Variants in NRCAM observed in about 807,000 individuals in gnomAD.
NRCAM encodes NgCAM-related cell adhesion molecule.
In NRCAM, 83 loss-of-function variants were observed where a neutral mutation model predicts 156.5. The ratio of observed to expected loss-of-function variants is 0.53; its 90% CI spans 0.44 to 0.64. The LOEUF (loss-of-function observed/expected upper bound fraction) is 0.64, where lower values mean the gene tolerates loss of function less well. NRCAM is among the 30% of genes least tolerant of loss of function. The probability of loss-of-function intolerance (pLI) is 0.00; values close to 1 mark genes in which losing one functional copy is unlikely to be tolerated. For synonymous variants in NRCAM, 538 were observed against 563.9 expected, an observed-to-expected ratio of 0.95 and a Z score of 0.65; for missense variants, 1,417 against 1,597.3, an observed-to-expected ratio of 0.89 and a Z score of 1.92.
At position 108,195,768 on chromosome 7, in the gene NRCAM, T is replaced by C. The variant is rs1052241557; in HGVS notation, c.1456A>G (p.Ile486Val). 11 of 1,575,996 alleles carry C rather than the reference T, an allele frequency of 7.0e-6. No homozygotes were observed. Among genetic ancestry groups the C allele is most frequent in the Admixed American group, 1.7e-5 (1 of 59,826 alleles). ...CACAGAGCTGCTACTTACCACTCGA[T>C]GGTTGGGAGAGGAGACCCAAAGAAG... ...CAFFGSPLPT[I>V]EWFKGAKGSA... The change falls in exon 15 of 33, where the codon ATC becomes GTC. Residue 486 changes from isoleucine (I) to valine (V), a missense_variant. By Grantham distance (29) the Ile-to-Val change is conservative (BLOSUM62 3). Around this residue, in one of 2 missense-constraint regions of NRCAM, gnomAD observed 1,238 missense variants for 1,336.4 expected, o/e 0.93. Coordinates refer to ENST00000379028, the MANE Select transcript of NRCAM (RefSeq NM_001037132.4).
At chr7:108,258,126 T>C (rs1425256029) in intron 3 of NRCAM, among the ~76,000 whole-genome samples, 3 of 152,218 alleles carry the variant, frequency 2.0e-5, no homozygotes. Context: ...AGGAGGTGGC[T>C]GTCTGTGTGC....
chr7:108,289,195 A>T (rs1355516277), intron 3 of NRCAM, among the ~76,000 whole-genome samples: 1 of 152,140 alleles, frequency 6.6e-6, no homozygotes, highest in African/African-American at 2.4e-5. Context: ...AATAGAAAAC[A>T]TATAGATAAA....
chr7:108,417,090 T>C (rs1802482780), intron 1 of NRCAM, among the ~76,000 whole-genome samples: 1 of 152,242 alleles, frequency 6.6e-6, no homozygotes. Context: ...ATTGAATGTC[T>C]CATGATTCTC....
rs186761238 is a variant in NRCAM at position 108,263,139 on chromosome 7, C to T, written c.-106-22969G>A. On this transcript the variant is annotated intron_variant, in intron 3 of 32. Coordinates refer to ENST00000379028, the MANE Select transcript of NRCAM (RefSeq NM_001037132.4). ...ATCCCTACGGCCCCCACAGGAACCA[C>T]GTGGATGCCCTGTGGCAGAAAACCC... Among the ~76,000 whole-genome samples, 24 of 152,324 alleles carry T rather than the reference C, an allele frequency of 1.6e-4. No homozygotes were observed. The East Asian group carries it at 2.9e-3, about 18-fold the overall frequency.
At chr7:108,454,143 AC>A (rs1356470665) in intron 1 of NRCAM, among the ~76,000 whole-genome samples, 1 of 152,248 alleles carries the variant, frequency 6.6e-6, no homozygotes, top group Non-Finnish European at 1.5e-5. Flanking sequence ...TTAAAAGCTA[AC>A]AGGAATAAAA....
At chr7:108,398,694 C>T (rs2099783745) in intron 2 of NRCAM, among the ~76,000 whole-genome samples, 1 of 152,216 alleles carries the variant, frequency 6.6e-6, no homozygotes, top group Non-Finnish European at 1.5e-5. Flanking sequence ...AGGAAGCCTG[C>T]TTTTACACAC....
rs142449606 is a variant in NRCAM, at chr7:108,332,032, G to A, written c.-173-19301C>T. Among the ~76,000 whole-genome samples, 134 of 152,302 alleles carry A rather than the reference G, an allele frequency of 8.8e-4. 1 individual carries two copies. The highest frequency in any genetic ancestry group is 3.0e-3 in the African/African-American group (123 of 41,578). ...GTGTTTCTTTCCTCTCTCCTGAAAT[G>A]CTATGCTATGCCAAGAAGCTCACCA... On this transcript the variant is annotated intron_variant, in intron 2 of 32. Transcript: ENST00000379028.
chr7:108,184,385 C>T (rs2153371071), intron 21 of NRCAM, 32 bp downstream of exon 21: 4 of 1,613,488 alleles, frequency 2.5e-6, no homozygotes, highest in South Asian at 1.1e-5. Flanking sequence ...TATTATATTT[C>T]GTACCCTAGA....
At chr7:108,396,345 T>C (rs967021595) in intron 2 of NRCAM, among the ~76,000 whole-genome samples, 2 of 152,218 alleles carry the variant, frequency 1.3e-5, no homozygotes, top group African/African-American at 4.8e-5. Flanking sequence ...CAGTAAAGAC[T>C]GACCATTCTG....
At chr7:108,430,264 G>A (rs1266135910) in intron 1 of NRCAM, among the ~76,000 whole-genome samples, 2 of 152,172 alleles carry the variant, frequency 1.3e-5, no homozygotes, top group African/African-American at 4.8e-5. Flanking sequence ...AGGATCCTCT[G>A]TTTGCTATGT....
At chr7:108,344,851 T>C (rs1195570109) in intron 2 of NRCAM, among the ~76,000 whole-genome samples, 2 of 152,200 alleles carry the variant, frequency 1.3e-5, no homozygotes, top group Non-Finnish European at 2.9e-5. Context: ...TGGGCAATAA[T>C]GTCCTAACCT....
chr7:108,247,585 TTTTAG>T (rs1239218706), intron 3 of NRCAM, among the ~76,000 whole-genome samples: 29 of 131,348 alleles, frequency 2.2e-4, no homozygotes, highest in African/African-American at 9.4e-4. Flanking sequence ...TGCTAAATTA[TTTTAG>T]CATAAATTTG....
chr7:108,184,436 C>G lies in NRCAM; in HGVS notation c.2214G>C (p.Gln738His). The G allele has an allele frequency of 6.2e-7, 1 of 1,614,176 alleles. No individual in the cohort carries two copies. Among genetic ancestry groups the G allele is most frequent in the Non-Finnish European group, 8.5e-7 (1 of 1,180,038 alleles). The change falls in exon 21 of 33, where the codon CAG becomes CAC. Residue 738 changes from glutamine to histidine, a missense_variant. Coordinates refer to ENST00000379028, the MANE Select transcript of NRCAM (RefSeq NM_001037132.4). Reference protein sequence around the residue: ...GKSLPSEASEQYLTKASEPDK... With the variant: ...GKSLPSEASEHYLTKASEPDK... ...CTTTACCTGAGGCTTTCGTCAAATA[C>G]TGCTCAGACGCCTCGCTGGGCAAGC...
chr7:108,436,404 T>C (rs1476760000), intron 1 of NRCAM, among the ~76,000 whole-genome samples: 1 of 152,202 alleles, frequency 6.6e-6, no homozygotes, highest in Admixed American at 6.5e-5. Context: ...ATTTTGTTTA[T>C]GATAATGATG....
At chr7:108,229,808 A>T (rs971185176) in intron 8 of NRCAM, among the ~76,000 whole-genome samples, 1 of 152,122 alleles carries the variant, frequency 6.6e-6, no homozygotes, top group Admixed American at 6.5e-5. Context: ...CTAAGGTAAC[A>T]CGCTGACCTA....
chr7:108,152,789 CAG>C (rs2042538378), intron 32 of NRCAM, among the ~76,000 whole-genome samples: 1 of 152,108 alleles, frequency 6.6e-6, no homozygotes, highest in African/African-American at 2.4e-5. Context: ...TCTATAGAGT[CAG>C]GGGAGAATAT....
chr7:108,406,697 G>A (rs1317027456), intron 1 of NRCAM, among the ~76,000 whole-genome samples: 1 of 152,210 alleles, frequency 6.6e-6, no homozygotes, highest in Non-Finnish European at 1.5e-5. Context: ...TAATACAAAT[G>A]CCATGCAACC....
chr7:108,395,073 A>G (rs1218256671), intron 2 of NRCAM, among the ~76,000 whole-genome samples: 1 of 152,234 alleles, frequency 6.6e-6, no homozygotes, highest in Non-Finnish European at 1.5e-5. Flanking sequence ...TTATTAGGGC[A>G]TGAATTAGAA....
At chr7:108,243,690 C>T (rs973454401) in intron 3 of NRCAM, among the ~76,000 whole-genome samples, 6 of 152,068 alleles carry the variant, frequency 3.9e-5, no homozygotes, top group South Asian at 2.1e-4. Flanking sequence ...ATGGTAGATT[C>T]GTCTTCTGAA....
Sources: gnomAD v4.1 joint callset for allele counts (sites outside exome capture counted in the v4.1 genomes callset) on GRCh38, gnomAD v4.1.1 for gene constraint, gnomAD v4.1.1 regional missense constraint, MANE v1.5 for transcripts, NCBI Gene and HGNC (gene_info 2026-07-23, HGNC 2026-07-21) for gene names.